POMP: variants seen among roughly 807,000 people sequenced by gnomAD.
POMP encodes 2510048O06Rik.
Under a neutral mutation model 20.6 loss-of-function variants are expected in POMP, and 12 were observed. The observed-to-expected ratio is 0.58, with a 90% CI of 0.37 to 0.94. The LOEUF is 0.94. Ranked by LOEUF, POMP falls within the 40% of genes least tolerant of loss-of-function variation. The pLI is 0.01. For synonymous variants in POMP, 53 were observed against 55.0 expected, an observed-to-expected ratio of 0.96 and a Z score of 0.16; for missense variants, 136 against 161.1, an observed-to-expected ratio of 0.84 and a Z score of 0.84.
intron 4 of POMP, among the ~76,000 whole-genome samples, chr13:28,669,401 G>A (rs1884503818): frequency 6.6e-6 from 1 of 151,898 alleles, no homozygotes; most frequent in Admixed American, 6.6e-5. Context: ...TTTGATACAG[G>A]ATCTCATTCT....
intron 1 of POMP, among the ~76,000 whole-genome samples, chr13:28,660,131 G>C (rs1178134998): frequency 6.6e-5 from 10 of 152,144 alleles, no homozygotes; most frequent in African/African-American, 1.9e-4. Flanking sequence ...TTGAAACCTT[G>C]TTACTTTACA....
intron 3 of POMP, among the ~76,000 whole-genome samples, chr13:28,667,711 C>T (rs1884473227): frequency 6.6e-6 from 1 of 152,094 alleles, no homozygotes; most frequent in South Asian, 2.1e-4. Flanking sequence ...ATGACTTTAC[C>T]TCATTATAAT....
chr13:28,666,465 G>A (rs1031668137), intron 3 of POMP, among the ~76,000 whole-genome samples: 1 of 152,222 alleles, frequency 6.6e-6, no homozygotes, highest in Admixed American at 6.5e-5. Context: ...AGGTGGAACT[G>A]TGAAGAATCT....
intron 2 of POMP, among the ~76,000 whole-genome samples, chr13:28,664,282 A>G (rs1457108417): frequency 6.6e-6 from 1 of 152,094 alleles, no homozygotes; most frequent in Non-Finnish European, 1.5e-5. Context: ...TAATGGATAC[A>G]TTCTTACATT....
At chr13:28,665,402 G>A (rs1884425105) in intron 3 of POMP, among the ~76,000 whole-genome samples, 2 of 152,060 alleles carry the variant, frequency 1.3e-5, no homozygotes, top group African/African-American at 4.8e-5. Flanking sequence ...TGAAATTGAA[G>A]TTCAAATTAG....
chr13:28,676,561 C>G (rs1884632387), intron 5 of POMP, among the ~76,000 whole-genome samples: 2 of 152,118 alleles, frequency 1.3e-5, no homozygotes, highest in Admixed American at 6.6e-5. Context: ...TCATGTTGAT[C>G]ACATTCTTAT....
Position 28,678,110 on chromosome 13 carries a change from C to T in POMP, c.*8C>T, listed in dbSNP as rs9656. 8 of 1,611,922 alleles carry T rather than the reference C, an allele frequency of 5.0e-6. No homozygotes were observed. The African/African-American group carries it at 5.3e-5, about 11-fold the overall frequency. ...AAACTTGGTTTACTGTAATAGTGTG[C>T]TGTTCATGGAAACCGAGGGCTGCAT... On this transcript the variant is annotated 3_prime_UTR_variant, in exon 6 of 6. Transcript: ENST00000380842.
At chr13:28,668,024 T>C (rs1884478111) in intron 3 of POMP, among the ~76,000 whole-genome samples, 1 of 152,238 alleles carries the variant, frequency 6.6e-6, no homozygotes, top group Non-Finnish European at 1.5e-5. Context: ...ATTAACAGGA[T>C]GATTTAGTGG....
intron 5 of POMP, among the ~76,000 whole-genome samples, chr13:28,675,143 A>ACTTTTTT (rs1555257279): frequency 4.0e-5 from 6 of 150,644 alleles, no homozygotes; most frequent in African/African-American, 1.5e-4. Flanking sequence ...GTTTAGGTAG[A>ACTTTTTT]TTTTTTTTGT....
intron 3 of POMP, among the ~76,000 whole-genome samples, chr13:28,667,931 T>G (rs1203300993): frequency 3.3e-5 from 5 of 152,178 alleles, no homozygotes; most frequent in Non-Finnish European, 5.9e-5. Flanking sequence ...TAGTACCCAA[T>G]ACAAATTGAA....
chr13:28,677,685 A>G (rs1221185089), intron 5 of POMP, among the ~76,000 whole-genome samples: 1 of 152,122 alleles, frequency 6.6e-6, no homozygotes, highest in East Asian at 1.9e-4. Flanking sequence ...AAACTTAAGA[A>G]CTTTGAAAAA....
chr13:28,672,298 G>T, intron 4 of POMP, 41 bp from the exon 5 acceptor site: 2 of 1,427,358 alleles, frequency 1.4e-6, no homozygotes, highest in South Asian at 2.3e-5. Context: ...ATTTTCCCCT[G>T]AGTTTTTTCT....
chr13:28,675,320 G>A (rs536214598), intron 5 of POMP, among the ~76,000 whole-genome samples: 33 of 152,128 alleles, frequency 2.2e-4, no homozygotes, highest in South Asian at 2.1e-3. Flanking sequence ...TTGTATTTTA[G>A]TAGAGTCAGG....
intron 3 of POMP, among the ~76,000 whole-genome samples, chr13:28,666,900 G>A (rs866593943): frequency 1.8e-4 from 27 of 152,252 alleles, no homozygotes; most frequent in African/African-American, 6.3e-4. Context: ...CAAGTGGTGC[G>A]GTGGGGGATG....
chr13:28,663,609 C>T (rs7334372), intron 2 of POMP, among the ~76,000 whole-genome samples: 57,501 of 152,064 alleles, frequency 0.38, 11,144 homozygotes, highest in East Asian at 0.5. Flanking sequence ...TGCGTCTGGC[C>T]GTAATTTACT....
intron 3 of POMP, among the ~76,000 whole-genome samples, chr13:28,664,974 G>T (rs1235705552): frequency 6.6e-6 from 1 of 152,134 alleles, no homozygotes; most frequent in South Asian, 2.1e-4. Flanking sequence ...TAGGTACTTC[G>T]ATGAATATGA....
intron 5 of POMP, 88 bp downstream of exon 5, chr13:28,672,520 A>C (rs1006422589): frequency 5.0e-6 from 5 of 993,476 alleles, no homozygotes; most frequent in Non-Finnish European, 8.1e-6. Flanking sequence ...TCTTGTCCTC[A>C]TGGAACTTAC....
chr13:28,669,064 T>A (rs1884496284), intron 4 of POMP, among the ~76,000 whole-genome samples: 1 of 152,062 alleles, frequency 6.6e-6, no homozygotes, highest in South Asian at 2.1e-4. Flanking sequence ...CCTCTCTGCT[T>A]GCTCTGTCTC....
At chr13:28,667,816 A>T (rs911093349) in intron 3 of POMP, among the ~76,000 whole-genome samples, 1 of 152,216 alleles carries the variant, frequency 6.6e-6, no homozygotes, top group African/African-American at 2.4e-5. Context: ...AGAATCCATG[A>T]GTCAAGTCGA....
Sources: gnomAD v4.1 joint callset for allele counts (sites outside exome capture counted in the v4.1 genomes callset) on GRCh38, gnomAD v4.1.1 for gene constraint, MANE v1.5 for transcripts, NCBI Gene and HGNC (gene_info 2026-07-23, HGNC 2026-07-21) for gene names.